SLC26A2: variants seen among roughly 807,000 people sequenced by gnomAD.
The protein encoded by SLC26A2 is solute carrier family 26 member 2.
SLC26A2 carries 36 observed loss-of-function variants against 41.1 expected under a neutral mutation model. The ratio of observed to expected loss-of-function variants is 0.88; its 90% CI spans 0.67 to 1.16. The LOEUF is 1.16. Among genes scored for constraint, SLC26A2 ranks in the 50% most tolerant of loss-of-function variants. The pLI is 0.00. For missense variants in SLC26A2, 796 were observed against 869.6 expected (o/e 0.92, Z 1.07); for synonymous variants, 291 against 311.6 (o/e 0.93, Z 0.70).
In SLC26A2 at chr5:149,977,886, C is replaced by G. The variant is rs756565445; in HGVS notation, c.234C>G (p.Cys78Trp). Reference protein sequence around the residue: ...EFVIKKLQKNCQCSPAKAKNM... With the variant: ...EFVIKKLQKNWQCSPAKAKNM... ...TTATTAAAAAGCTGCAGAAGAATTGCCAGTGCAGTCCAGCCAAAGCCAAAA... is the reference window on the plus strand; with the variant it reads ...TTATTAAAAAGCTGCAGAAGAATTGGCAGTGCAGTCCAGCCAAAGCCAAAA... The change falls in exon 2 of 3, where the codon TGC becomes TGG. Residue 78 changes from cysteine to tryptophan, a missense_variant. Transcript: ENST00000286298. The G allele has an allele frequency of 1.2e-6, 2 of 1,614,116 alleles. No homozygotes were observed. Among genetic ancestry groups the G allele is most frequent in the Non-Finnish European group, 1.7e-6 (2 of 1,179,978 alleles).
In SLC26A2 at chr5:149,974,419, A is replaced by T. The variant is rs570347239; in HGVS notation, c.-25-3209A>T. On this transcript the variant is annotated intron_variant, in intron 1 of 2. Transcript: ENST00000286298. ...GATTCTTGGAGATAGATTATATATTATATATATATGTATTTTTTTTTTGAG... is the reference window on the plus strand; with the variant it reads ...GATTCTTGGAGATAGATTATATATTTTATATATATGTATTTTTTTTTTGAG... Among the ~76,000 whole-genome samples the T allele has an allele frequency of 8.0e-5, 12 of 150,716 alleles. No individual in the cohort carries two copies. The South Asian group carries it at 2.5e-3, about 31-fold the overall frequency.
chr5:149,966,909 G>A (rs1372954118), intron 1 of SLC26A2, among the ~76,000 whole-genome samples: 1 of 152,130 alleles, frequency 6.6e-6, no homozygotes, highest in African/African-American at 2.4e-5. Context: ...GTGTGTCTGG[G>A]GACTTAAGAA....
chr5:149,966,077 G>A (rs1306729019), intron 1 of SLC26A2, among the ~76,000 whole-genome samples: 1 of 152,042 alleles, frequency 6.6e-6, no homozygotes, highest in African/African-American at 2.4e-5. Context: ...GCTAATTTTT[G>A]GATTTTTAGT....
Position 149,980,879 on chromosome 5 carries a change from CCTT to C in SLC26A2, c.1291_1293del (p.Phe431del). On this transcript the variant is annotated inframe_deletion, in exon 3 of 3. Coordinates refer to ENST00000286298, the MANE Select transcript of SLC26A2 (RefSeq NM_000112.4). Reference sequence around the variant, plus strand: ...ATTGGCTTTTGTAATATCATCCCTTCCTTCTTCCACTGTTTTACTACTAGTGCA... The same window carrying C: ...ATTGGCTTTTGTAATATCATCCCTTCCTTCCACTGTTTTACTACTAGTGCA... 1 of 1,614,158 alleles carries C rather than the reference CCTT, an allele frequency of 6.2e-7. No homozygotes were observed. Among genetic ancestry groups the C allele is most frequent in the Non-Finnish European group, 8.5e-7 (1 of 1,179,994 alleles).
Position 149,984,686 on chromosome 5 carries a change from C to T in SLC26A2, c.*2873C>T, listed in dbSNP as rs114919633. On this transcript the variant is annotated 3_prime_UTR_variant, in exon 3 of 3. Transcript: ENST00000286298. ...AAACAAACAAACAAAAAACTGTTTT[C>T]ATTTGCTCTCTTGACCAAAGGATAG... is the stretch of plus-strand genomic sequence containing the variant. 1,474 of 152,272 alleles carry T rather than the reference C, an allele frequency of 9.7e-3. 17 individuals are homozygous for T. Among genetic ancestry groups the T allele is most frequent in the Middle Eastern group, 0.037 (11 of 294 alleles). 9.4% of individuals were successfully genotyped at this position (152,272 alleles called of 1,614,324 possible).
At chr5:149,975,044 TTC>T (rs891159340) in intron 1 of SLC26A2, among the ~76,000 whole-genome samples, 34 of 152,196 alleles carry the variant, frequency 2.2e-4, no homozygotes, top group African/African-American at 7.5e-4. Flanking sequence ...CTTCTGCCCA[TTC>T]TCTCTCTTCT....
chr5:149,983,202 A>G lies in SLC26A2; in HGVS notation c.*1389A>G, dbSNP rs1279981198. On this transcript the variant is annotated 3_prime_UTR_variant, in exon 3 of 3. Transcript: ENST00000286298. ...TAATATGTATATTTAAAATGCATAT[A>G]TATTTTATTATATCTATATTATCCT... 6.6e-6 allele frequency: 1 copy of G among 151,844 alleles called. No homozygotes were observed. Among genetic ancestry groups the G allele is most frequent in the Admixed American group, 6.6e-5 (1 of 15,224 alleles). The allele number at this position is 151,844 out of a possible 1,614,324, so 9.4% of individuals were successfully genotyped here. A position where few individuals can be genotyped will look rare whatever the true frequency, so the allele number is the denominator to read the frequency against.
chr5:149,980,177 C>A, intron 2 of SLC26A2, 116 bp from the exon 3 acceptor site: 1 of 835,890 alleles, frequency 1.2e-6, no homozygotes, highest in Non-Finnish European at 2.1e-6. Flanking sequence ...TTTATTCTAG[C>A]TCTGACATTC....
intron 2 of SLC26A2, among the ~76,000 whole-genome samples, 199 bp downstream of exon 2, chr5:149,978,550 C>T (rs1755038069): frequency 6.6e-6 from 1 of 152,180 alleles, no homozygotes; most frequent in Admixed American, 6.5e-5. Context: ...TGGACCTCCA[C>T]CACCCAGTAC....
At chr5:149,974,431 A>T (rs980384794) in intron 1 of SLC26A2, among the ~76,000 whole-genome samples, 15 of 147,422 alleles carry the variant, frequency 1.0e-4, no homozygotes, top group Non-Finnish European at 1.7e-4. Context: ...ATATATATGT[A>T]TTTTTTTTTT....
intron 1 of SLC26A2, among the ~76,000 whole-genome samples, chr5:149,965,479 C>CAAAAAAAAA (rs55779255): frequency 1.6e-5 from 1 of 63,928 alleles, no homozygotes; most frequent in Non-Finnish European, 2.9e-5. Context: ...GACTCTGTCT[C>CAAAAAAAAA]AAAAAAAAAA....
chr5:149,974,256 A>G (rs566413309), intron 1 of SLC26A2, among the ~76,000 whole-genome samples: 57 of 152,160 alleles, frequency 3.7e-4, no homozygotes, highest in African/African-American at 1.3e-3. Context: ...TTGTTTCTGT[A>G]TAAGTAATAT....
intron 1 of SLC26A2, among the ~76,000 whole-genome samples, chr5:149,965,864 TTAAG>T (rs1225049979): frequency 6.6e-5 from 10 of 152,180 alleles, no homozygotes; most frequent in Non-Finnish European, 1.2e-4. Flanking sequence ...ATCTCTGCCT[TTAAG>T]TAGCAAATGA....
chr5:149,962,860 G>A (rs1754736576), intron 1 of SLC26A2, among the ~76,000 whole-genome samples: 1 of 152,122 alleles, frequency 6.6e-6, no homozygotes, highest in African/African-American at 2.4e-5. Flanking sequence ...TCACTCAACA[G>A]ATACTTGCTA....
intron 1 of SLC26A2, among the ~76,000 whole-genome samples, chr5:149,976,802 A>C (rs1235833112): frequency 5.3e-5 from 8 of 152,182 alleles, no homozygotes; most frequent in Non-Finnish European, 4.4e-5. Flanking sequence ...TTCTCTATTT[A>C]ACCTGTGTTT....
chr5:149,977,160 G>A (rs1477700166), intron 1 of SLC26A2, among the ~76,000 whole-genome samples: 3 of 152,180 alleles, frequency 2.0e-5, no homozygotes, highest in African/African-American at 7.2e-5. Context: ...AAATAAAACA[G>A]GACCATCTTC....
At position 149,983,733 on chromosome 5, in the gene SLC26A2, A is replaced by G. The variant is rs558781341; in HGVS notation, c.*1920A>G. Reference sequence around the variant, plus strand: ...CTAGACCATAGGTATGCATCACCACACCCTGCTAATTTTTTAAATTTTTTT... The same window carrying G: ...CTAGACCATAGGTATGCATCACCACGCCCTGCTAATTTTTTAAATTTTTTT... On this transcript the variant is annotated 3_prime_UTR_variant, in exon 3 of 3. Coordinates refer to ENST00000286298, the MANE Select transcript of SLC26A2 (RefSeq NM_000112.4). 3.3e-5 allele frequency: 5 copies of G among 152,142 alleles called. No homozygotes were observed. The highest frequency in any genetic ancestry group is 9.6e-5 in the African/African-American group (4 of 41,476). The allele number at this position is 152,142 out of a possible 1,614,324, so 9.4% of individuals were successfully genotyped here.
chr5:149,981,681 C>T lies in SLC26A2; in HGVS notation c.2088C>T (p.Asn696=), dbSNP rs780668685. Residue 696 remains asparagine, a synonymous_variant, in exon 3 of 3, where the codon AAC becomes AAT. Transcript: ENST00000286298. ...CCACTGTGAGGGATTCCCTAACCAA[C>T]GGAGAATATTGCAAAAAGGAAGAAG... ...CNPTVRDSLT[N]GEYCKKEEEN... The T allele has an allele frequency of 9.9e-6, 16 of 1,612,372 alleles. No individual in the cohort carries two copies. Among genetic ancestry groups the T allele is most frequent in the East Asian group, 6.7e-5 (3 of 44,870 alleles).
At position 149,972,147 on chromosome 5, in the gene SLC26A2, C is replaced by G. The variant is rs75771793; in HGVS notation, c.-25-5481C>G. Among the ~76,000 whole-genome samples, 613 of 152,340 alleles carry G rather than the reference C, an allele frequency of 4.0e-3. 1 individual carries two copies. Among genetic ancestry groups the G allele is most frequent in the Non-Finnish European group, 6.1e-3 (413 of 68,036 alleles). On this transcript the variant is annotated intron_variant, in intron 1 of 2. Transcript: ENST00000286298. ...GAGCCCAGGTTAGATATGTTCCTCC[C>G]TTGAAAACTTTCTAAACAAACTATT...
Sources: allele counts gnomAD v4.1 joint callset (sites outside exome capture counted in the v4.1 genomes callset), GRCh38; gene constraint gnomAD v4.1.1; transcripts MANE v1.5; gene names NCBI Gene and HGNC (gene_info 2026-07-23, HGNC 2026-07-21).